The following MIPEP variants were observed in gnomAD, a reference collection of about 807,000 sequenced individuals.
MIPEP encodes the protein mitochondrial intermediate peptidase.
A neutral mutation model predicts 90.3 loss-of-function variants in MIPEP; 79 were observed. The ratio of observed to expected loss-of-function variants is 0.87; its 90% CI spans 0.73 to 1.05. MIPEP has a LOEUF of 1.05. Ranked by LOEUF, MIPEP falls within the 50% of genes least tolerant of loss-of-function variation. The pLI, the probability that MIPEP is intolerant of heterozygous loss-of-function variation, is 0.00. For synonymous variants in MIPEP, 334 were observed against 315.8 expected (o/e 1.06, Z -0.61); for missense variants, 940 against 905.6 (o/e 1.04, Z -0.49).
At chr13:23,868,944 G>A (rs1470074696) in intron 7 of MIPEP, among the ~76,000 whole-genome samples, 1 of 152,142 alleles carries the variant, frequency 6.6e-6, no homozygotes. Context: ...CTTGACCTCA[G>A]TAAACATACT....
At chr13:23,764,071 T>C (rs2138521490) in intron 16 of MIPEP, among the ~76,000 whole-genome samples, 1 of 152,242 alleles carries the variant, frequency 6.6e-6, no homozygotes, top group East Asian at 1.9e-4. Flanking sequence ...CTAAGGGATA[T>C]TTGTCAGATG....
At position 23,823,659 on chromosome 13, in the gene MIPEP, T is replaced by C. The variant is rs1295154557; in HGVS notation, c.1653+12581A>G. Among the ~76,000 whole-genome samples, 4 of 152,126 alleles carry C rather than the reference T, an allele frequency of 2.6e-5. No individual in the cohort carries two copies. In the South Asian group the frequency reaches 8.3e-4, roughly 32 times the overall value. ...GGCTGGGCAACAGAACGAGACACCA[T>C]CTCTACAAAAAAATTTAAAATTAGC... On this transcript the variant is annotated intron_variant, in intron 14 of 18. Transcript: ENST00000382172.
chr13:23,809,585 C>T (rs34136997), intron 15 of MIPEP, among the ~76,000 whole-genome samples: 4,724 of 152,170 alleles, frequency 0.031, 93 homozygotes, highest in Non-Finnish European at 0.047. Context: ...CCTCGTGATT[C>T]GCCCACCTCG....
At chr13:23,791,366 A>C (rs533926593) in intron 16 of MIPEP, among the ~76,000 whole-genome samples, 1 of 152,078 alleles carries the variant, frequency 6.6e-6, no homozygotes, top group Non-Finnish European at 1.5e-5. Flanking sequence ...CCACTCTGCC[A>C]TCTCTCCCAC....
intron 18 of MIPEP, among the ~76,000 whole-genome samples, chr13:23,739,168 C>T (rs950668401): frequency 1.3e-5 from 2 of 152,124 alleles, no homozygotes; most frequent in Admixed American, 6.5e-5. Flanking sequence ...TTATTGAGTA[C>T]CAGCTAGCTG....
At chr13:23,791,679 T>G (rs1286742884) in intron 16 of MIPEP, among the ~76,000 whole-genome samples, 1 of 150,916 alleles carries the variant, frequency 6.6e-6, no homozygotes, top group African/African-American at 2.5e-5. Context: ...ATTATTCACC[T>G]CGTTAAAAAT....
rs373511397 is a variant in MIPEP, at chr13:23,760,157, T to C, written c.1909A>G (p.Met637Val). The change falls in exon 17 of 19, where the codon ATG (methionine) becomes GTG (valine). Residue 637 changes from methionine (M) to valine (V), a missense_variant. Physicochemically the swap from Met to Val is conservative, Grantham distance 21 (BLOSUM62 1). Transcript: ENST00000382172. ...ACCATGGAGGCGACCGCTCTGGACATGAGGTAAGAGTAATATCTAGCACCA... is the reference window on the plus strand; with the variant it reads ...ACCATGGAGGCGACCGCTCTGGACACGAGGTAAGAGTAATATCTAGCACCA... ...GYGARYYSYL[M>V]SRAVASMVWK... The C allele has an allele frequency of 6.2e-7, 1 of 1,614,116 alleles. No individual in the cohort carries two copies.
In MIPEP at chr13:23,837,739, G is replaced by A. The variant is rs750210779; in HGVS notation, c.1356C>T (p.Ile452=). The part of the protein sequence containing the change: ...DKPHQDCHFT[I]RGGRLKEDGD... ...CATCTTCCTTTAGTCTGCCTCCACG[G>A]ATAGTGAAATGGCAATCCTTTAAGA... The change falls in exon 13 of 19, where the codon ATC becomes ATT. Residue 452 remains isoleucine (I), a synonymous_variant. Coordinates refer to ENST00000382172, the MANE Select transcript of MIPEP (RefSeq NM_005932.4). The A allele has an allele frequency of 6.2e-7, 1 of 1,612,142 alleles. No homozygotes were observed. The highest frequency in any genetic ancestry group is 1.1e-5 in the South Asian group (1 of 91,040).
At chr13:23,796,489 GT>G (rs1952963194) in intron 16 of MIPEP, among the ~76,000 whole-genome samples, 1 of 151,770 alleles carries the variant, frequency 6.6e-6, no homozygotes, top group African/African-American at 2.4e-5. Flanking sequence ...AACTCTAGTA[GT>G]AATAATATAT....
At chr13:23,805,353 A>G (rs1198434489) in intron 16 of MIPEP, among the ~76,000 whole-genome samples, 5 of 152,208 alleles carry the variant, frequency 3.3e-5, no homozygotes, top group Admixed American at 3.3e-4. Flanking sequence ...GACAGGACAT[A>G]TAATGTGTCT....
At chr13:23,800,057 C>G (rs1457171385) in intron 16 of MIPEP, among the ~76,000 whole-genome samples, 1 of 152,220 alleles carries the variant, frequency 6.6e-6, no homozygotes, top group African/African-American at 2.4e-5. Flanking sequence ...ACTCTGAGAA[C>G]AGCTGTGCTG....
chr13:23,740,773 C>A (rs1952318694), intron 18 of MIPEP, among the ~76,000 whole-genome samples: 1 of 152,232 alleles, frequency 6.6e-6, no homozygotes, highest in Admixed American at 6.5e-5. Context: ...CAGTGTCTCA[C>A]TGCCACCAAG....
At chr13:23,838,611 C>T (rs1168540272) in intron 12 of MIPEP, among the ~76,000 whole-genome samples, 2 of 152,164 alleles carry the variant, frequency 1.3e-5, no homozygotes, top group African/African-American at 4.8e-5. Context: ...TCTCACTTTT[C>T]AGATGATAAA....
At chr13:23,792,237 C>T (rs9510861) in intron 16 of MIPEP, among the ~76,000 whole-genome samples, 35,828 of 152,092 alleles carry the variant, frequency 0.24, 4,924 homozygotes, top group African/African-American at 0.38. Context: ...GGGATGACTC[C>T]AAATGGGTAT....
chr13:23,780,337 C>A (rs572064609), intron 16 of MIPEP, among the ~76,000 whole-genome samples: 31 of 152,352 alleles, frequency 2.0e-4, no homozygotes, highest in Non-Finnish European at 4.1e-4. Flanking sequence ...GATACCCAGG[C>A]AAACTGGGTC....
rs1871193799 is a variant in MIPEP, at chr13:23,879,347, T to C, written c.460A>G (p.Thr154Ala). Residue 154 changes from threonine (T) to alanine (A), a missense_variant, in exon 4 of 19, where the codon ACA becomes GCA. Thr to Ala is a moderately conservative substitution (Grantham distance 58). Coordinates refer to ENST00000382172, the MANE Select transcript of MIPEP (RefSeq NM_005932.4). Reference protein sequence around the residue: ...SIGTMVEKLNTNVDLYQSLQK... With the variant: ...SIGTMVEKLNANVDLYQSLQK... ...AAACTTTGATATAAATCCACATTTGTGTTCAACCTAGAAAAAATAGAAATT... is the reference window on the plus strand; with the variant it reads ...AAACTTTGATATAAATCCACATTTGCGTTCAACCTAGAAAAAATAGAAATT... The C allele has an allele frequency of 1.3e-6, 2 of 1,533,472 alleles. No individual in the cohort carries two copies. Among genetic ancestry groups the C allele is most frequent in the African/African-American group, 1.4e-5 (1 of 72,784 alleles). The allele number at this position is 1,533,472 out of a possible 1,614,324, so 95.0% of individuals were successfully genotyped here. A position where few individuals can be genotyped will look rare whatever the true frequency, so the allele number is the denominator to read the frequency against.
At chr13:23,792,982 G>A (rs969689528) in intron 16 of MIPEP, among the ~76,000 whole-genome samples, 1 of 152,172 alleles carries the variant, frequency 6.6e-6, no homozygotes, top group African/African-American at 2.4e-5. Flanking sequence ...TGGAGAGGAT[G>A]AAGCAAATAT....
Position 23,886,399 on chromosome 13 carries a change from T to C in MIPEP, c.297A>G (p.Pro99=). The C allele has an allele frequency of 6.2e-7, 1 of 1,607,768 alleles. No individual in the cohort carries two copies. Among genetic ancestry groups the C allele is most frequent in the South Asian group, 1.1e-5 (1 of 90,326 alleles). Residue 99 remains proline, a synonymous_variant, in exon 2 of 19, where the codon CCA becomes CCG. Coordinates refer to ENST00000382172, the MANE Select transcript of MIPEP (RefSeq NM_005932.4). ...ELLVDRACST[P]PGPQTVLIFD... ...AGATCAGCACGGTCTGGGGCCCAGG[T>C]GGGGTGGAACATGCACGGTCCACAA...
rs777692064 is a variant in MIPEP at position 23,756,597 on chromosome 13, G to C, written c.1992C>G (p.Arg664=). 1 of 1,613,634 alleles carries C rather than the reference G, an allele frequency of 6.2e-7. No homozygotes were observed. Among genetic ancestry groups the C allele is most frequent in the Non-Finnish European group, 8.5e-7 (1 of 1,180,036 alleles). ...CTCCACCGTGGGCCAGCATCTCCCTGCGATAGCGCTCCCCGGCAGCCCTGG... is the reference window on the plus strand; with the variant it reads ...CTCCACCGTGGGCCAGCATCTCCCTCCGATAGCGCTCCCCGGCAGCCCTGG... ...PFNRAAGERY[R]REMLAHGGGR... is the part of the protein sequence containing the mutation. The change falls in exon 18 of 19, where the codon CGC becomes CGG. Residue 664 remains arginine, a synonymous_variant. Transcript: ENST00000382172.
Sources: gnomAD v4.1 joint callset for allele counts (sites outside exome capture counted in the v4.1 genomes callset) on GRCh38, gnomAD v4.1.1 for gene constraint, MANE v1.5 for transcripts, NCBI Gene and HGNC (gene_info 2026-07-23, HGNC 2026-07-21) for gene names.